Variants in GUCY1A1 observed in about 807,000 individuals in gnomAD.
The protein encoded by GUCY1A1 is guanylate cyclase soluble subunit alpha-1.
GUCY1A1 carries 48 observed loss-of-function variants against 64.5 expected under a neutral mutation model. The ratio of observed to expected loss-of-function variants is 0.74; its 90% CI spans 0.59 to 0.95. The LOEUF is 0.95. GUCY1A1 is among the 40% of genes least tolerant of loss of function. The pLI is 0.00. For synonymous variants in GUCY1A1, 308 were observed against 303.4 expected (o/e 1.02, Z -0.16); for missense variants, 804 against 825.3 (o/e 0.97, Z 0.32).
At chr4:155,728,133 T>TC (rs1412406728) in intron 9 of GUCY1A1, among the ~76,000 whole-genome samples, 11 of 151,960 alleles carry the variant, frequency 7.2e-5, no homozygotes, top group African/African-American at 2.7e-4. Flanking sequence ...GTATTATGTT[T>TC]CTGAGATAGT....
chr4:155,693,742 G>C (rs1730059477), intron 2 of GUCY1A1, among the ~76,000 whole-genome samples: 1 of 152,052 alleles, frequency 6.6e-6, no homozygotes, highest in Admixed American at 6.6e-5. Context: ...ACACTGTTCG[G>C]CTTATTTCCT....
rs1735384677 is a variant in GUCY1A1 at position 155,730,255 on chromosome 4, T to G, written c.*24T>G. Reference sequence around the variant, plus strand: ...AGCAACCTATATACCTATTTATAAGTCTTTGGGGTTTGACTCATTGAAGAT... The same window carrying G: ...AGCAACCTATATACCTATTTATAAGGCTTTGGGGTTTGACTCATTGAAGAT... On this transcript the variant is annotated 3_prime_UTR_variant, in exon 10 of 10. Transcript: ENST00000506455. 6.8e-7 allele frequency: 1 copy of G among 1,474,860 alleles called. No homozygotes were observed. Among genetic ancestry groups the G allele is most frequent in the Non-Finnish European group, 9.5e-7 (1 of 1,055,010 alleles). 91.4% of individuals were successfully genotyped at this position (1,474,860 alleles called of 1,614,324 possible).
chr4:155,695,519 C>G (rs1193757058), intron 2 of GUCY1A1, among the ~76,000 whole-genome samples: 1 of 152,050 alleles, frequency 6.6e-6, no homozygotes, highest in African/African-American at 2.4e-5. Flanking sequence ...ATTAACAAAG[C>G]CCGATTGTGT....
At chr4:155,691,630 T>C (rs2126697643) in intron 2 of GUCY1A1, among the ~76,000 whole-genome samples, 1 of 152,308 alleles carries the variant, frequency 6.6e-6, no homozygotes. Context: ...ACTTTCAAGT[T>C]TAATCTTAAA....
At position 155,732,816 on chromosome 4, in the gene GUCY1A1, T is replaced by C. The variant is rs1448709469; in HGVS notation, c.*2585T>C. ...TCTCCTGAAAATGCAGGAGCTATTC[T>C]TTCTGTTCTGGTTATATAGTTTCCA... On this transcript the variant is annotated 3_prime_UTR_variant, in exon 10 of 10. Transcript: ENST00000506455. Among the ~76,000 whole-genome samples the C allele has an allele frequency of 1.3e-5, 2 of 151,894 alleles. No individual in the cohort carries two copies. The highest frequency in any genetic ancestry group is 2.9e-5 in the Non-Finnish European group (2 of 67,886).
chr4:155,673,842 A>C (rs2126526408), intron 2 of GUCY1A1, among the ~76,000 whole-genome samples: 1 of 151,274 alleles, frequency 6.6e-6, no homozygotes, highest in Middle Eastern at 3.4e-3. Context: ...GCTTCTTAAA[A>C]CCTTTCCCTG....
Position 155,696,849 on chromosome 4 carries a change from G to T in GUCY1A1, c.-19G>T. On this transcript the variant is annotated 5_prime_UTR_variant, in exon 3 of 10. Coordinates refer to ENST00000506455, the MANE Select transcript of GUCY1A1 (RefSeq NM_001130682.3). The stretch of plus-strand genomic sequence containing the variant: ...GCTCATCAGGAGGAGATCGCAGCAG[G>T]GTAAGAGACACCAACACCATGTTCT... 6.2e-7 allele frequency: 1 copy of T among 1,611,948 alleles called. No homozygotes were observed. Among genetic ancestry groups the T allele is most frequent in the Non-Finnish European group, 8.5e-7 (1 of 1,178,298 alleles).
chr4:155,727,358 A>G (rs1193080968), intron 9 of GUCY1A1, among the ~76,000 whole-genome samples: 1 of 151,938 alleles, frequency 6.6e-6, no homozygotes, highest in Non-Finnish European at 1.5e-5. Context: ...GTGTCTTTAA[A>G]AAGCATAGAA....
chr4:155,680,629 T>A (rs1487598085), intron 2 of GUCY1A1, among the ~76,000 whole-genome samples: 1 of 152,190 alleles, frequency 6.6e-6, no homozygotes, highest in Admixed American at 6.5e-5. Context: ...ACCGATAACA[T>A]AAACAGTTGA....
chr4:155,700,540 CATATATGGTAT>C (rs1233673057), intron 3 of GUCY1A1, among the ~76,000 whole-genome samples: 3 of 152,114 alleles, frequency 2.0e-5, no homozygotes, highest in Non-Finnish European at 4.4e-5. Context: ...CTGAAGTATT[CATATATGGTAT>C]ATTTGTGGCA....
At chr4:155,697,704 T>G (rs531924806) in intron 3 of GUCY1A1, among the ~76,000 whole-genome samples, 1 of 152,318 alleles carries the variant, frequency 6.6e-6, no homozygotes, top group South Asian at 2.1e-4. Context: ...GTCGGAGTCA[T>G]GAGCCTGTGA....
At chr4:155,724,641 C>T (rs1734414724) in intron 9 of GUCY1A1, among the ~76,000 whole-genome samples, 1 of 152,092 alleles carries the variant, frequency 6.6e-6, no homozygotes, top group Non-Finnish European at 1.5e-5. Flanking sequence ...TCTCACTACC[C>T]CATGTCTACA....
At chr4:155,688,228 C>T (rs971124406) in intron 2 of GUCY1A1, among the ~76,000 whole-genome samples, 7 of 146,654 alleles carry the variant, frequency 4.8e-5, no homozygotes, top group African/African-American at 1.8e-4. Flanking sequence ...ACTCCTCAAA[C>T]AAACAAACAA....
At chr4:155,679,601 G>A (rs1010507796) in intron 2 of GUCY1A1, among the ~76,000 whole-genome samples, 10 of 152,138 alleles carry the variant, frequency 6.6e-5, no homozygotes, top group Admixed American at 2.6e-4. Flanking sequence ...TCGTGAGAAC[G>A]GTGCCAAGTC....
At chr4:155,719,229 A>G (rs557937710) in intron 8 of GUCY1A1, among the ~76,000 whole-genome samples, 2 of 152,292 alleles carry the variant, frequency 1.3e-5, no homozygotes, top group East Asian at 3.9e-4. Flanking sequence ...AAAGACCTAT[A>G]AAGGGAATCA....
Position 155,736,610 on chromosome 4 carries a change from C to A in GUCY1A1, c.*6379C>A, listed in dbSNP as rs1241818906. 6.6e-6 allele frequency: 1 copy of A among 151,882 alleles called. No individual in the cohort carries two copies. The highest frequency in any genetic ancestry group is 1.5e-5 in the Non-Finnish European group (1 of 67,936). 9.4% of individuals were successfully genotyped at this position (151,882 alleles called of 1,614,324 possible). A position where few individuals can be genotyped will look rare whatever the true frequency, so the allele number is the denominator to read the frequency against. On this transcript the variant is annotated 3_prime_UTR_variant, in exon 10 of 10. Transcript: ENST00000506455. ...CTGTGATTTTTGGGTTAGATGAGAC[C>A]ACTTTTGATTTTTGAGGAATAAAAG...
Position 155,730,554 on chromosome 4 carries a change from G to T in GUCY1A1, c.*323G>T, listed in dbSNP as rs1735426155. 5.7e-6 allele frequency: 1 copy of T among 176,796 alleles called. No homozygotes were observed. Among genetic ancestry groups the T allele is most frequent in the Admixed American group, 5.8e-5 (1 of 17,324 alleles). 11.0% of individuals were successfully genotyped at this position (176,796 alleles called of 1,614,324 possible). A position where few individuals can be genotyped will look rare whatever the true frequency, so the allele number is the denominator to read the frequency against. ...TTGTAGTCAATTGTACAAACTGATG[G>T]AGTCACCTGCAATCTCATATCCTGG... On this transcript the variant is annotated 3_prime_UTR_variant, in exon 10 of 10. Transcript: ENST00000506455.
intron 7 of GUCY1A1, among the ~76,000 whole-genome samples, chr4:155,715,286 A>T (rs918228838): frequency 2.0e-5 from 3 of 152,184 alleles, no homozygotes; most frequent in African/African-American, 7.2e-5. Flanking sequence ...TATGAGTGCC[A>T]ATGGCTTTGA....
chr4:155,712,712 G>A (rs1030175548), intron 6 of GUCY1A1, among the ~76,000 whole-genome samples: 1 of 151,990 alleles, frequency 6.6e-6, no homozygotes, highest in Non-Finnish European at 1.5e-5. Flanking sequence ...AAGAGGGAGG[G>A]AAGAAGGAAG....
Sources: allele counts gnomAD v4.1 joint callset (sites outside exome capture counted in the v4.1 genomes callset), GRCh38; gene constraint gnomAD v4.1.1; transcripts MANE v1.5; gene names NCBI Gene and HGNC (gene_info 2026-07-23, HGNC 2026-07-21).